RAP1GAP2: variants seen among roughly 807,000 people sequenced by gnomAD.
The protein encoded by RAP1GAP2 is rap1 GTPase-activating protein 2.
A neutral mutation model predicts 95.0 loss-of-function variants in RAP1GAP2; 27 were observed. The ratio of observed to expected loss-of-function variants is 0.28; its 90% CI spans 0.21 to 0.39. The LOEUF (loss-of-function observed/expected upper bound fraction) is 0.39, where lower values mean the gene tolerates loss of function less well. RAP1GAP2 is among the 10% of genes least tolerant of loss of function. The pLI is 1.00. For missense variants in RAP1GAP2, 771 were observed against 970.0 expected (o/e 0.79, Z 2.72); for synonymous variants, 373 against 380.9 (o/e 0.98, Z 0.24).
At position 2,796,556 on chromosome 17, in the gene RAP1GAP2, T is replaced by C. The variant is rs944652282; in HGVS notation, c.29T>C (p.Phe10Ser). 10 of 1,563,710 alleles carry C rather than the reference T, an allele frequency of 6.4e-6. No homozygotes were observed. The highest frequency in any genetic ancestry group is 2.7e-5 in the African/African-American group (2 of 73,628). The stretch of plus-strand genomic sequence containing the variant: ...TTTGGCCGGAAGCGCAGTGTCTCCT[T>C]TGGGGGCTTCGGATGGTGGGTGACA... MFGRKRSVS[F>S]GGFGWIDKTM... Residue 10 changes from phenylalanine to serine, a missense_variant, in exon 1 of 25, where the codon TTT becomes TCT. Phe to Ser is a radical substitution (Grantham distance 155). Coordinates refer to ENST00000254695, the MANE Select transcript of RAP1GAP2 (RefSeq NM_015085.5). The surrounding 1 kb of genome is among the most constrained non-coding windows in gnomAD (Gnocchi z 4.7).
intron 4 of RAP1GAP2, among the ~76,000 whole-genome samples, chr17:2,961,966 G>A (rs1265518892): frequency 1.3e-5 from 2 of 148,476 alleles, no homozygotes. Flanking sequence ...GCAATGGCGC[G>A]ATCTCGGCTC....
chr17:2,788,854 G>A (rs960171462), intron 1 of RAP1GAP2, among the ~76,000 whole-genome samples: 1 of 152,084 alleles, frequency 6.6e-6, no homozygotes, highest in African/African-American at 2.4e-5. Flanking sequence ...TTGGTAAAGC[G>A]GCATCTTCTT....
intron 3 of RAP1GAP2, among the ~76,000 whole-genome samples, chr17:2,920,941 C>T (rs917434702): frequency 1.3e-5 from 2 of 152,162 alleles, no homozygotes; most frequent in African/African-American, 4.8e-5. Context: ...TCTGGGACTT[C>T]AGAGGCCAGT....
chr17:2,783,123 T>C (rs2068696593), intron 1 of RAP1GAP2, among the ~76,000 whole-genome samples: 1 of 152,124 alleles, frequency 6.6e-6, no homozygotes, highest in Non-Finnish European at 1.5e-5. Flanking sequence ...AGCTAGTAAG[T>C]GATGGAGCCG....
At chr17:2,969,496 C>CTTTTTTTTTTTTTTTTTTTTTTTTTTT (rs34468461) in intron 8 of RAP1GAP2, among the ~76,000 whole-genome samples, 6 of 83,782 alleles carry the variant, frequency 7.2e-5, no homozygotes, top group Admixed American at 2.0e-4. Context: ...TATATATATT[C>CTTTTTTTTTTTTTTTTTTTTTTTTTTT]TTTTTTTTTT....
In RAP1GAP2 at chr17:3,008,265, G is replaced by A; in HGVS notation, c.1494+120G>A. The A allele has an allele frequency of 7.0e-7, 1 of 1,420,468 alleles. No individual in the cohort carries two copies. The highest frequency in any genetic ancestry group is 1.3e-5 in the South Asian group (1 of 76,232). 88.0% of individuals were successfully genotyped at this position (1,420,468 alleles called of 1,614,324 possible). On this transcript the variant is annotated intron_variant, in intron 17 of 24. Transcript: ENST00000254695. The surrounding 1 kb of genome is among the most constrained non-coding windows in gnomAD (Gnocchi z 4.2). ...CAAGGGCCAGCTGGAGGGGTGACAG[G>A]AAACGTATGGGTATCCTAGGTGTTT...
chr17:3,025,835 C>T (rs1488485039), intron 19 of RAP1GAP2, among the ~76,000 whole-genome samples, 173 bp from the exon 20 acceptor site: 5 of 152,140 alleles, frequency 3.3e-5, no homozygotes, highest in Admixed American at 2.0e-4. Flanking sequence ...TGTAGTATGC[C>T]GCCATCTCTG....
At chr17:2,830,964 CCT>C (rs2070811601) in intron 2 of RAP1GAP2, among the ~76,000 whole-genome samples, 1 of 104,824 alleles carries the variant, frequency 9.5e-6, no homozygotes, top group Admixed American at 9.5e-5. Flanking sequence ...CCTCCCCTCC[CCT>C]TCCCTCCCTT....
intron 1 of RAP1GAP2, among the ~76,000 whole-genome samples, chr17:2,768,282 G>A (rs899820256): frequency 2.0e-5 from 3 of 152,192 alleles, no homozygotes; most frequent in South Asian, 2.1e-4. Context: ...CACTGATAAT[G>A]TATCAGAGTG....
intron 3 of RAP1GAP2, among the ~76,000 whole-genome samples, chr17:2,951,295 C>T (rs916802417): frequency 1.3e-5 from 2 of 152,264 alleles, no homozygotes; most frequent in Non-Finnish European, 2.9e-5. Flanking sequence ...ACAGTCTCCT[C>T]ACCCCTCTCT....
chr17:2,958,396 G>T (rs1334757437), intron 4 of RAP1GAP2, among the ~76,000 whole-genome samples: 1 of 152,092 alleles, frequency 6.6e-6, no homozygotes. Context: ...CAGGGTCAGG[G>T]CTCCCAGGTA....
chr17:2,940,890 C>T (rs975551789), intron 3 of RAP1GAP2, among the ~76,000 whole-genome samples: 24 of 152,118 alleles, frequency 1.6e-4, no homozygotes, highest in African/African-American at 5.3e-4. Context: ...AATTCAGGGA[C>T]GAGTGTGAGG....
intron 3 of RAP1GAP2, among the ~76,000 whole-genome samples, chr17:2,930,011 C>T (rs991916599): frequency 6.6e-6 from 1 of 152,208 alleles, no homozygotes; most frequent in African/African-American, 2.4e-5. Flanking sequence ...GCAGTGTGGC[C>T]AAAGGACCTC....
Position 2,902,416 on chromosome 17 carries a change from C to T in RAP1GAP2, c.81-2868C>T, listed in dbSNP as rs983523291. Among the ~76,000 whole-genome samples, 1 of 152,122 alleles carries T rather than the reference C, an allele frequency of 6.6e-6. No homozygotes were observed. The highest frequency in any genetic ancestry group is 2.4e-5 in the African/African-American group (1 of 41,432). On this transcript the variant is annotated intron_variant, in intron 2 of 24. Coordinates refer to ENST00000254695, the MANE Select transcript of RAP1GAP2 (RefSeq NM_015085.5). The surrounding 1 kb of genome is among the most constrained non-coding windows in gnomAD (Gnocchi z 4.1). ...ATTTTTAGTAGAGACGGGGTTTCGC[C>T]ACGTTGAACAGGCTGGTTTGGAACT...
intron 2 of RAP1GAP2, among the ~76,000 whole-genome samples, chr17:2,818,293 CTTTATTTATTTATTTA>C (rs149867844): frequency 0.16 from 21,852 of 136,218 alleles, 2,286 homozygotes; most frequent in African/African-American, 0.32. Flanking sequence ...TCTCAGCCCA[CTTTATTTATTTATTTA>C]TTTATTTATT....
intron 2 of RAP1GAP2, among the ~76,000 whole-genome samples, chr17:2,815,522 C>T (rs1597362281): frequency 6.6e-6 from 1 of 150,556 alleles, no homozygotes; most frequent in Admixed American, 6.6e-5. Flanking sequence ...CGCTTTGTCA[C>T]CCAGGCTGGA....
intron 11 of RAP1GAP2, among the ~76,000 whole-genome samples, chr17:2,989,182 G>C (rs2045667242): frequency 6.6e-6 from 1 of 152,136 alleles, no homozygotes; most frequent in Admixed American, 6.6e-5. Flanking sequence ...CCAGCATTTG[G>C]TGTTGTGACT....
In RAP1GAP2 at chr17:2,797,902, C is replaced by T. The variant is rs1002297602; in HGVS notation, c.44+1331C>T. The T allele has an allele frequency of 3.6e-6, 2 of 558,480 alleles. No homozygotes were observed. The highest frequency in any genetic ancestry group is 2.0e-5 in the African/African-American group (1 of 48,812). 34.6% of individuals were successfully genotyped at this position (558,480 alleles called of 1,614,324 possible). On this transcript the variant is annotated intron_variant, in intron 1 of 24. Coordinates refer to ENST00000254695, the MANE Select transcript of RAP1GAP2 (RefSeq NM_015085.5). This position sits in a 1 kb window ranked among gnomAD's most constrained non-coding sequence, Gnocchi z 5.6. The stretch of plus-strand genomic sequence containing the variant: ...GCAATTAGATTGTGCCCTCCAAGGC[C>T]CGCCTTTCTCTGGGAGGTGTGGAGC...
Position 3,003,751 on chromosome 17 carries a change from G to C in RAP1GAP2, c.1201-1618G>C, listed in dbSNP as rs1291561409. On this transcript the variant is annotated intron_variant, in intron 14 of 24. Transcript: ENST00000254695. This position sits in a 1 kb window ranked among gnomAD's most constrained non-coding sequence, Gnocchi z 4.1. ...GTGGGGCTGTGTTCAGGCAACTTCT[G>C]CTTTCAGTCCAGTGACCCAGATGTC... is the stretch of plus-strand genomic sequence containing the variant. Among the ~76,000 whole-genome samples the C allele has an allele frequency of 6.6e-6, 1 of 152,138 alleles. No homozygotes were observed. The highest frequency in any genetic ancestry group is 1.5e-5 in the Non-Finnish European group (1 of 68,020).
Sources: allele counts gnomAD v4.1 joint callset (sites outside exome capture counted in the v4.1 genomes callset), GRCh38; gene constraint gnomAD v4.1.1; non-coding constraint Gnocchi (gnomAD v3.1); transcripts MANE v1.5; gene names NCBI Gene and HGNC (gene_info 2026-07-23, HGNC 2026-07-21).